Variants in MBP observed in about 807,000 individuals in gnomAD.
The protein encoded by MBP is myelin basic protein.
MBP carries 16 observed loss-of-function variants against 35.8 expected under a neutral mutation model. The observed-to-expected ratio is 0.45, with a 90% CI of 0.30 to 0.68. MBP has a LOEUF of 0.68. Among genes scored for constraint, MBP ranks in the 30% least tolerant of loss-of-function variants. The probability of loss-of-function intolerance (pLI) is 0.08; values close to 1 mark genes in which losing one functional copy is unlikely to be tolerated. For synonymous variants in MBP, 143 were observed against 159.6 expected, an observed-to-expected ratio of 0.90 and a Z score of 0.78; for missense variants, 380 against 404.7, an observed-to-expected ratio of 0.94 and a Z score of 0.52.
chr18:76,985,713 G>A (rs1274239875), intron 7 of MBP: 2 of 1,012,388 alleles, frequency 2.0e-6, no homozygotes, highest in African/African-American at 1.7e-5. Flanking sequence ...TCATCCGGCT[G>A]TGTGGCCTTG....
intron 1 of MBP, chr18:77,109,397 T>C (rs1976378263): frequency 6.6e-6 from 1 of 152,198 alleles, no homozygotes; most frequent in Admixed American, 6.5e-5. Flanking sequence ...CAAAGTGTCC[T>C]GGGGTGTGGA....
At chr18:76,982,744 G>C (rs949887983) in intron 8 of MBP, 1 of 152,206 alleles carries the variant, frequency 6.6e-6, no homozygotes, top group Non-Finnish European at 1.5e-5. Flanking sequence ...TGGGGGAGCT[G>C]ATTTATTAAT....
At chr18:77,120,593 A>G (rs565849385) in intron 1 of MBP, among the ~76,000 whole-genome samples, 4 of 152,208 alleles carry the variant, frequency 2.6e-5, no homozygotes, top group Admixed American at 6.5e-5. Flanking sequence ...CCTCCAGACT[A>G]TTTTACAAAA....
Position 77,074,133 on chromosome 18 carries a change from C to G in MBP, c.52-7748G>C, listed in dbSNP as rs536418924. Among the ~76,000 whole-genome samples, 3 of 152,322 alleles carry G rather than the reference C, an allele frequency of 2.0e-5. No homozygotes were observed. The South Asian group carries it at 6.2e-4, about 32-fold the overall frequency. ...GAACACAGGTCTGAGGATTTCGCAGCCCCTCAGTCTGGGGGTCCTTGGAGG... is the reference window on the plus strand; with the variant it reads ...GAACACAGGTCTGAGGATTTCGCAGGCCCTCAGTCTGGGGGTCCTTGGAGG... On this transcript the variant is annotated intron_variant, in intron 2 of 8. Coordinates refer to ENST00000355994, the MANE Select transcript of MBP (RefSeq NM_001025101.2).
intron 2 of MBP, among the ~76,000 whole-genome samples, chr18:77,073,339 G>A (rs547174962): frequency 2.6e-5 from 4 of 152,286 alleles, no homozygotes; most frequent in East Asian, 1.9e-4. Flanking sequence ...TTATCTACCC[G>A]AAAGCTAAGT....
intron 1 of MBP, among the ~76,000 whole-genome samples, chr18:77,119,140 G>A (rs578022847): frequency 6.6e-6 from 1 of 152,326 alleles, no homozygotes; most frequent in African/African-American, 2.4e-5. Flanking sequence ...GCTTGGAGCT[G>A]TGTAGTGGAG....
intron 2 of MBP, among the ~76,000 whole-genome samples, chr18:77,082,665 G>A (rs987456346): frequency 2.9e-5 from 4 of 137,892 alleles, no homozygotes; most frequent in African/African-American, 1.1e-4. Context: ...CATGAAGGAC[G>A]AAGAATCCTT....
chr18:77,068,566 T>C (rs1974305771), intron 2 of MBP, among the ~76,000 whole-genome samples: 1 of 152,196 alleles, frequency 6.6e-6, no homozygotes, highest in Admixed American at 6.5e-5. Context: ...AAAGAGGTGT[T>C]GCCTGATTCT....
chr18:77,064,331 T>C (rs1349196621), intron 3 of MBP, among the ~76,000 whole-genome samples: 1 of 152,178 alleles, frequency 6.6e-6, no homozygotes, highest in East Asian at 1.9e-4. Context: ...CTCCTTCCTC[T>C]TCTTCCTCTG....
chr18:77,069,800 G>A (rs1402237995), intron 2 of MBP, among the ~76,000 whole-genome samples: 1 of 152,150 alleles, frequency 6.6e-6, no homozygotes, highest in Admixed American at 6.5e-5. Flanking sequence ...CAGCTATGGT[G>A]CGTCCACTCT....
At chr18:77,094,859 G>A (rs1057128832) in intron 2 of MBP, among the ~76,000 whole-genome samples, 1 of 152,188 alleles carries the variant, frequency 6.6e-6, no homozygotes, top group Non-Finnish European at 1.5e-5. Flanking sequence ...AAACACAGTT[G>A]TTCAGTTATA....
At chr18:77,028,541 G>C (rs201443290) in intron 3 of MBP, among the ~76,000 whole-genome samples, 2 of 93,310 alleles carry the variant, frequency 2.1e-5, no homozygotes, top group African/African-American at 6.1e-5. Context: ...CGGGCAGAGG[G>C]GCTCCTCACT....
intron 4 of MBP, chr18:77,015,888 C>T: frequency 1.0e-6 from 1 of 985,436 alleles, no homozygotes; most frequent in Non-Finnish European, 1.2e-6. Context: ...TCTGGAATTC[C>T]AGAATCAGCC....
At chr18:77,082,139 A>T (rs1481833374) in intron 2 of MBP, among the ~76,000 whole-genome samples, 1 of 152,102 alleles carries the variant, frequency 6.6e-6, no homozygotes, top group Non-Finnish European at 1.5e-5. Flanking sequence ...GGCGTGAGCC[A>T]CTGCGCCCGG....
At chr18:77,048,910 G>A (rs192849466) in intron 3 of MBP, among the ~76,000 whole-genome samples, 3 of 151,708 alleles carry the variant, frequency 2.0e-5, no homozygotes, top group East Asian at 3.9e-4. Context: ...CGAGGGCAGG[G>A]TTTTTTTTTA....
At chr18:77,016,210 T>C in intron 4 of MBP, 1 of 984,692 alleles carries the variant, frequency 1.0e-6, no homozygotes, top group Non-Finnish European at 1.2e-6. Context: ...AAGAAACTTC[T>C]AAGACTCTGT....
intron 2 of MBP, among the ~76,000 whole-genome samples, chr18:77,094,133 C>T (rs1419625532): frequency 6.6e-6 from 1 of 152,084 alleles, no homozygotes; most frequent in African/African-American, 2.4e-5. Context: ...TTCACCACTA[C>T]ACCTGGCTAA....
intron 3 of MBP, among the ~76,000 whole-genome samples, chr18:77,053,596 C>A (rs1203014754): frequency 6.6e-6 from 1 of 152,194 alleles, no homozygotes; most frequent in Non-Finnish European, 1.5e-5. Flanking sequence ...GCTGCGGGCA[C>A]TTCTGTGCAT....
At chr18:77,122,989 G>A (rs1053798214) in intron 1 of MBP, among the ~76,000 whole-genome samples, 3 of 152,198 alleles carry the variant, frequency 2.0e-5, no homozygotes, top group African/African-American at 4.8e-5. Context: ...ATTTTGCCAT[G>A]GGAAAATTAC....
Sources: allele counts gnomAD v4.1 joint callset (sites outside exome capture counted in the v4.1 genomes callset), GRCh38; gene constraint gnomAD v4.1.1; transcripts MANE v1.5; gene names NCBI Gene and HGNC (gene_info 2026-07-23, HGNC 2026-07-21).